Variants in MIPOL1 observed in about 807,000 individuals in gnomAD.
The protein encoded by MIPOL1 is mirror-image polydactyly 1.
MIPOL1 carries 57 observed loss-of-function variants against 60.9 expected under a neutral mutation model. That is an observed-to-expected ratio of 0.94 (90% confidence interval 0.76 to 1.17). The LOEUF (loss-of-function observed/expected upper bound fraction) is 1.17. Among genes scored for constraint, MIPOL1 ranks in the 50% most tolerant of loss-of-function variants. MIPOL1 has a pLI of 0.00. For synonymous variants in MIPOL1, 179 were observed against 168.8 expected, an observed-to-expected ratio of 1.06 and a Z score of -0.47; for missense variants, 551 against 511.6, an observed-to-expected ratio of 1.08 and a Z score of -0.74.
At chr14:37,397,292 T>G (rs1197240366) in intron 10 of MIPOL1, among the ~76,000 whole-genome samples, 1 of 151,274 alleles carries the variant, frequency 6.6e-6, no homozygotes, top group Non-Finnish European at 1.5e-5. Context: ...GGGCTGGTAC[T>G]GGGGTTATCT....
intron 10 of MIPOL1, among the ~76,000 whole-genome samples, chr14:37,405,456 A>C (rs1159641349): frequency 6.6e-6 from 1 of 152,166 alleles, no homozygotes. Context: ...CTATATGCCA[A>C]CTAAAAGTGT....
intron 1 of MIPOL1, among the ~76,000 whole-genome samples, chr14:37,218,595 T>C (rs779518522): frequency 9.2e-5 from 14 of 151,934 alleles, no homozygotes; most frequent in Non-Finnish European, 1.9e-4. Flanking sequence ...TCTGCCATTG[T>C]TGGATGGGGT....
At chr14:37,211,865 C>T (rs377420015) in intron 1 of MIPOL1, among the ~76,000 whole-genome samples, 8 of 151,668 alleles carry the variant, frequency 5.3e-5, no homozygotes, top group South Asian at 2.1e-4. Flanking sequence ...TATCTTGCAT[C>T]GAGGATATCA....
intron 11 of MIPOL1, among the ~76,000 whole-genome samples, chr14:37,479,063 A>G (rs949915545): frequency 6.6e-6 from 1 of 152,172 alleles, no homozygotes. Flanking sequence ...ATAGCAGGGG[A>G]CGTCAATATA....
chr14:37,387,501 T>C (rs1330598392), intron 10 of MIPOL1, among the ~76,000 whole-genome samples: 1 of 151,930 alleles, frequency 6.6e-6, no homozygotes, highest in Non-Finnish European at 1.5e-5. Flanking sequence ...TTCCAGAACC[T>C]CAGATTGTTG....
chr14:37,431,720 A>G (rs1199140883), intron 11 of MIPOL1, among the ~76,000 whole-genome samples: 1 of 149,792 alleles, frequency 6.7e-6, no homozygotes, highest in African/African-American at 2.5e-5. Context: ...CTGGGACTAC[A>G]GGCACCCGCC....
intron 11 of MIPOL1, among the ~76,000 whole-genome samples, chr14:37,468,120 A>G (rs2094626235): frequency 1.3e-5 from 2 of 151,356 alleles, no homozygotes; most frequent in Admixed American, 1.3e-4. Context: ...ATCCCCAAGC[A>G]TTTTCTATGT....
chr14:37,457,213 G>A (rs1355094054), intron 11 of MIPOL1, among the ~76,000 whole-genome samples: 2 of 152,052 alleles, frequency 1.3e-5, no homozygotes, highest in Non-Finnish European at 2.9e-5. Context: ...CTCCAGAAAG[G>A]GACTTTACCT....
intron 12 of MIPOL1, among the ~76,000 whole-genome samples, chr14:37,542,265 CATTCTTTCTCA>C (rs2095532608): frequency 1.3e-5 from 2 of 152,092 alleles, no homozygotes; most frequent in Non-Finnish European, 2.9e-5. Context: ...CTTCTTTGAC[CATTCTTTCTCA>C]ATTTATTTTT....
intron 1 of MIPOL1, among the ~76,000 whole-genome samples, chr14:37,200,888 G>T (rs1264834908): frequency 4.8e-5 from 4 of 83,118 alleles, no homozygotes; most frequent in African/African-American, 3.2e-4. Context: ...GTGTGTGTGT[G>T]TGTGTGTGTG....
At chr14:37,531,953 C>T (rs757226483) in intron 12 of MIPOL1, among the ~76,000 whole-genome samples, 7 of 151,992 alleles carry the variant, frequency 4.6e-5, no homozygotes, top group East Asian at 1.9e-4. Flanking sequence ...CTCCCATGCC[C>T]GCCGTACATT....
chr14:37,297,155 G>A lies in MIPOL1; in HGVS notation c.624-10901G>A, dbSNP rs368242271. On this transcript the variant is annotated intron_variant, in intron 7 of 12. Transcript: ENST00000684589. Reference sequence around the variant, plus strand: ...GGGATGCAAGGCTGGTTCAACATACGCAAATCAATAAACATAATCCAGCAT... The same window carrying A: ...GGGATGCAAGGCTGGTTCAACATACACAAATCAATAAACATAATCCAGCAT... Among the ~76,000 whole-genome samples, 40 of 152,180 alleles carry A rather than the reference G, an allele frequency of 2.6e-4. No homozygotes were observed. The East Asian group carries it at 3.5e-3, about 13-fold the overall frequency.
intron 12 of MIPOL1, chr14:37,507,140 C>T (rs1938422681): frequency 6.6e-6 from 1 of 152,136 alleles, no homozygotes; most frequent in African/African-American, 2.4e-5. Flanking sequence ...AATAGGAACG[C>T]TTTTACACTG....
intron 10 of MIPOL1, among the ~76,000 whole-genome samples, chr14:37,392,938 T>A (rs2093284240): frequency 6.6e-6 from 1 of 152,224 alleles, no homozygotes; most frequent in African/African-American, 2.4e-5. Flanking sequence ...GAAGTGACTT[T>A]ATTTGGAAAT....
chr14:37,203,785 GT>G (rs1233900891), intron 1 of MIPOL1, among the ~76,000 whole-genome samples: 1 of 152,016 alleles, frequency 6.6e-6, no homozygotes, highest in African/African-American at 2.4e-5. Flanking sequence ...TCAGGCATTT[GT>G]TTATTTATTT....
intron 12 of MIPOL1, among the ~76,000 whole-genome samples, chr14:37,521,114 T>C (rs7153933): frequency 0.039 from 5,983 of 151,778 alleles, 414 homozygotes; most frequent in African/African-American, 0.14. Context: ...TTTTTGTATT[T>C]TTAGTAGAGA....
At chr14:37,424,888 T>C (rs923307705) in intron 11 of MIPOL1, among the ~76,000 whole-genome samples, 15 of 152,216 alleles carry the variant, frequency 9.9e-5, no homozygotes, top group Non-Finnish European at 7.3e-5. Context: ...TTCTGACACT[T>C]AGCCCACCCC....
Position 37,273,124 on chromosome 14 carries a change from G to T in MIPOL1, c.493+2599G>T, listed in dbSNP as rs550896235. Among the ~76,000 whole-genome samples, 4 of 151,090 alleles carry T rather than the reference G, an allele frequency of 2.6e-5. No homozygotes were observed. The East Asian group carries it at 7.7e-4, about 29-fold the overall frequency. On this transcript the variant is annotated intron_variant, in intron 6 of 12. Transcript: ENST00000684589. ...ATACATTTATAATTTGAGACATTTT[G>T]TAATAATTAAGAATATTTGAGGATA...
At chr14:37,375,096 A>T (rs1888190924) in intron 10 of MIPOL1, among the ~76,000 whole-genome samples, 1 of 152,118 alleles carries the variant, frequency 6.6e-6, no homozygotes, top group Non-Finnish European at 1.5e-5. Flanking sequence ...GAGGTCCTTC[A>T]CATCCCTTGT....
Sources: allele counts gnomAD v4.1 joint callset (sites outside exome capture counted in the v4.1 genomes callset), GRCh38; gene constraint gnomAD v4.1.1; transcripts MANE v1.5; gene names NCBI Gene and HGNC (gene_info 2026-07-23, HGNC 2026-07-21).